The following RNF10 variants were observed in gnomAD, a reference collection of about 807,000 sequenced individuals.
RNF10 encodes the protein ring finger protein 10.
A neutral mutation model predicts 91.4 loss-of-function variants in RNF10; 38 were observed. The observed-to-expected ratio is 0.42, with a 90% confidence interval of 0.32 to 0.54. The LOEUF (loss-of-function observed/expected upper bound fraction) is 0.54. Ranked by LOEUF, RNF10 falls within the 20% of genes least tolerant of loss-of-function variation. RNF10 has a pLI of 0.16. For missense variants in RNF10, 945 were observed against 1,012.0 expected (o/e 0.93, Z 0.90); for synonymous variants, 364 against 366.3 (o/e 0.99, Z 0.07).
At chr12:120,557,711 A>T (rs199502625) in intron 6 of RNF10, 29 bp downstream of exon 6, 14 of 1,611,868 alleles carry the variant, frequency 8.7e-6, no homozygotes, top group African/African-American at 2.7e-5. Context: ...GGGGACAAAT[A>T]ATCCTGGGTA....
chr12:120,560,945 A>G, intron 7 of RNF10, 59 bp downstream of exon 7: 1 of 1,557,068 alleles, frequency 6.4e-7, no homozygotes, highest in Non-Finnish European at 8.8e-7. Flanking sequence ...CTGTGGTGAA[A>G]ACCAGAAATG....
chr12:120,565,533 A>C lies in RNF10; in HGVS notation c.1885+4A>C. The C allele has an allele frequency of 6.2e-7, 1 of 1,613,100 alleles. No homozygotes were observed. The highest frequency in any genetic ancestry group is 8.5e-7 in the Non-Finnish European group (1 of 1,179,412). Reference sequence around the variant, plus strand: ...GAGAACAAGAAACAGGGCAAGTGTAAGTTCAGGAACTTTCATCTTTGACTA... The same window carrying C: ...GAGAACAAGAAACAGGGCAAGTGTACGTTCAGGAACTTTCATCTTTGACTA... On this transcript the variant is annotated splice_donor_region_variant and intron_variant, in intron 12 of 16. Coordinates refer to ENST00000325954, the MANE Select transcript of RNF10 (RefSeq NM_014868.5).
chr12:120,547,287 A>T (rs988789653), intron 2 of RNF10, among the ~76,000 whole-genome samples: 1 of 152,136 alleles, frequency 6.6e-6, no homozygotes. Context: ...AAGGGAGCAC[A>T]CTATATGGTT....
chr12:120,539,758 T>G (rs991495152), intron 1 of RNF10, among the ~76,000 whole-genome samples: 7 of 152,112 alleles, frequency 4.6e-5, no homozygotes, highest in African/African-American at 1.4e-4. Context: ...TTTAGTGGTC[T>G]TGTCCATTTT....
At chr12:120,558,692 C>T (rs2094891305) in intron 6 of RNF10, among the ~76,000 whole-genome samples, 1 of 151,058 alleles carries the variant, frequency 6.6e-6, no homozygotes, top group African/African-American at 2.4e-5. Flanking sequence ...CCTCAGCCTC[C>T]CGAGTAGCTG....
At chr12:120,544,501 A>G (rs944302130) in intron 1 of RNF10, among the ~76,000 whole-genome samples, 1 of 152,134 alleles carries the variant, frequency 6.6e-6, no homozygotes, top group African/African-American at 2.4e-5. Flanking sequence ...TACAAAAAAC[A>G]CAAAAATCAG....
intron 2 of RNF10, among the ~76,000 whole-genome samples, chr12:120,547,060 G>A (rs558493372): frequency 6.6e-6 from 1 of 152,208 alleles, no homozygotes; most frequent in African/African-American, 2.4e-5. Context: ...TTTGTTTGTA[G>A]TTGCGAAATT....
intron 1 of RNF10, among the ~76,000 whole-genome samples, chr12:120,546,200 G>T (rs140008777): frequency 7.9e-5 from 12 of 151,992 alleles, no homozygotes; most frequent in Non-Finnish European, 1.3e-4. Context: ...TGAGGGAGGG[G>T]ACCCGTTAGG....
intron 3 of RNF10, 155 bp from the exon 4 acceptor site, chr12:120,554,563 C>T (rs1873671030): frequency 1.6e-6 from 1 of 616,780 alleles, no homozygotes; most frequent in African/African-American, 1.9e-5. Flanking sequence ...AGAGCTGGAG[C>T]TCAGAACTGA....
chr12:120,536,932 A>G (rs1870910046), intron 1 of RNF10, among the ~76,000 whole-genome samples: 2 of 152,218 alleles, frequency 1.3e-5, no homozygotes, highest in Non-Finnish European at 2.9e-5. Context: ...TATTTAAGGA[A>G]TTTTACTGCT....
chr12:120,571,138 A>G, intron 13 of RNF10, 53 bp from the exon 14 acceptor site: 1 of 1,241,770 alleles, frequency 8.1e-7, no homozygotes, highest in Non-Finnish European at 1.2e-6. Context: ...TCTCTTGTTA[A>G]GGACACCCCT....
At chr12:120,551,411 C>T (rs894467856) in intron 2 of RNF10, among the ~76,000 whole-genome samples, 1 of 149,308 alleles carries the variant, frequency 6.7e-6, no homozygotes, top group African/African-American at 2.5e-5. Flanking sequence ...TCTCCTGCCT[C>T]AGCCTCCCGA....
In RNF10 at chr12:120,566,850, G is replaced by A. The variant is rs1417205830; in HGVS notation, c.1911G>A (p.Glu637=). 1.2e-6 allele frequency: 2 copies of A among 1,613,624 alleles called. No individual in the cohort carries two copies. The highest frequency in any genetic ancestry group is 1.7e-4 in the Middle Eastern group (1 of 6,058). The change falls in exon 13 of 17, where the codon GAG becomes GAA. Residue 637 remains glutamate (E), a synonymous_variant. Transcript: ENST00000325954. ...GKYPEVHIPL[E]NLQQFPAFNS... ...ACCCAGAAGTCCACATTCCCCTCGA[G>A]AATCTACAGCAGTTTCCTGCCTTCA...
At position 120,577,323 on chromosome 12, in the gene RNF10, G is replaced by A. The variant is rs1037859069; in HGVS notation, c.*657G>A. On this transcript the variant is annotated 3_prime_UTR_variant, in exon 17 of 17. Coordinates refer to ENST00000325954, the MANE Select transcript of RNF10 (RefSeq NM_014868.5). ...GTTGGTAAGGAAAGCTGTAACTCAC[G>A]AAGCCCTGAGACCTGCTACCCCTAA... is the stretch of plus-strand genomic sequence containing the variant. The A allele has an allele frequency of 5.8e-5, 22 of 379,284 alleles. No homozygotes were observed. Among genetic ancestry groups the A allele is most frequent in the Non-Finnish European group, 9.7e-5 (19 of 196,160 alleles). The allele number at this position is 379,284 out of a possible 1,614,324, so 23.5% of individuals were successfully genotyped here. A position where few individuals can be genotyped will look rare whatever the true frequency, so the allele number is the denominator to read the frequency against.
Position 120,552,520 on chromosome 12 carries a change from G to A in RNF10, c.376G>A (p.Glu126Lys), listed in dbSNP as rs745712610. Reference sequence around the variant, plus strand: ...CTAGGTAGCAGAGGCTCAACGGGCAGAGTTTAGCCCTGCCCAGTTCTCTGG... The same window carrying A: ...CTAGGTAGCAGAGGCTCAACGGGCAAAGTTTAGCCCTGCCCAGTTCTCTGG... ...RDEVAEAQRAEFSPAQFSGPK... is the reference protein window; with the variant it reads ...RDEVAEAQRAKFSPAQFSGPK... Residue 126 changes from glutamate to lysine, a missense_variant, in exon 3 of 17, where the codon GAG (glutamate) becomes AAG (lysine). By Grantham distance (56) the Glu-to-Lys change is moderately conservative. Coordinates refer to ENST00000325954, the MANE Select transcript of RNF10 (RefSeq NM_014868.5). The A allele has an allele frequency of 6.2e-7, 1 of 1,614,146 alleles. No homozygotes were observed. The highest frequency in any genetic ancestry group is 2.2e-5 in the East Asian group (1 of 44,892).
At chr12:120,572,361 C>A (rs1447488110) in intron 14 of RNF10, among the ~76,000 whole-genome samples, 3 of 151,800 alleles carry the variant, frequency 2.0e-5, no homozygotes, top group Non-Finnish European at 4.4e-5. Flanking sequence ...CCACCATGCC[C>A]GGCCATTGAC....
intron 3 of RNF10, among the ~76,000 whole-genome samples, chr12:120,553,316 C>G (rs1873442011): frequency 6.6e-6 from 1 of 150,900 alleles, no homozygotes; most frequent in Non-Finnish European, 1.5e-5. Context: ...TCTCAAACTC[C>G]TGACCTCGTG....
chr12:120,558,277 C>A (rs1874317997), intron 6 of RNF10, among the ~76,000 whole-genome samples: 1 of 151,910 alleles, frequency 6.6e-6, no homozygotes, highest in Admixed American at 6.6e-5. Context: ...AAAGTTTTAA[C>A]CTTTTTATTT....
At position 120,534,568 on chromosome 12, in the gene RNF10, C is replaced by T. The variant is rs1246267655; in HGVS notation, c.-244C>T. ...CCCCCGCAGCCTCCGCCCCGCCAGG[C>T]CCGGCCCGGACTCCCGAGCCCCGGC... On this transcript the variant is annotated 5_prime_UTR_variant, in exon 1 of 17. Transcript: ENST00000325954. The T allele has an allele frequency of 2.3e-6, 2 of 854,644 alleles. No homozygotes were observed. Among genetic ancestry groups the T allele is most frequent in the Non-Finnish European group, 3.1e-6 (2 of 641,272 alleles). 52.9% of individuals were successfully genotyped at this position (854,644 alleles called of 1,614,324 possible). A position where few individuals can be genotyped will look rare whatever the true frequency, so the allele number is the denominator to read the frequency against.
Sources: gnomAD v4.1 joint callset for allele counts (sites outside exome capture counted in the v4.1 genomes callset) on GRCh38, gnomAD v4.1.1 for gene constraint, MANE v1.5 for transcripts, NCBI Gene and HGNC (gene_info 2026-07-23, HGNC 2026-07-21) for gene names.